Variants in SEMA5B observed in about 807,000 individuals in gnomAD.
The protein encoded by SEMA5B is semaphorin 5B, also known as semaphorin-5B.
In SEMA5B, 66 loss-of-function variants were observed where a neutral mutation model predicts 135.0. The ratio of observed to expected loss-of-function variants is 0.49; its 90% CI spans 0.40 to 0.60. The LOEUF (loss-of-function observed/expected upper bound fraction) is 0.60, where lower values mean the gene tolerates loss of function less well. SEMA5B is among the 20% of genes least tolerant of loss of function. The probability of loss-of-function intolerance (pLI) is 0.00; values close to 1 mark genes in which losing one functional copy is unlikely to be tolerated. For synonymous variants in SEMA5B, 690 were observed against 639.5 expected (o/e 1.08, Z -1.19); for missense variants, 1,501 against 1,566.3 (o/e 0.96, Z 0.70).
chr3:122,966,557 A>ATTTTTTTTTTTT (rs1414027791), intron 1 of SEMA5B, among the ~76,000 whole-genome samples: 2 of 139,468 alleles, frequency 1.4e-5, no homozygotes, highest in African/African-American at 6.4e-5. Context: ...TATTATTATT[A>ATTTTTTTTTTTT]TTATTATTAT....
At chr3:122,917,910 A>G (rs963525162) in intron 12 of SEMA5B, among the ~76,000 whole-genome samples, 2 of 151,276 alleles carry the variant, frequency 1.3e-5, no homozygotes, top group African/African-American at 4.9e-5. Context: ...ACACATGTAC[A>G]CAAGTAGTCC....
intron 3 of SEMA5B, among the ~76,000 whole-genome samples, chr3:122,946,066 C>T (rs141851956): frequency 2.4e-4 from 37 of 152,296 alleles, no homozygotes; most frequent in African/African-American, 8.4e-4. Flanking sequence ...GCTCTGTGTG[C>T]GGCAAAGGCT....
intron 1 of SEMA5B, among the ~76,000 whole-genome samples, chr3:122,969,201 G>A (rs1038181725): frequency 2.6e-5 from 4 of 152,318 alleles, no homozygotes; most frequent in Middle Eastern, 3.4e-3. Flanking sequence ...TGGGTGGCCT[G>A]TCCAAAGTCA....
chr3:122,986,481 T>C (rs909489267), intron 1 of SEMA5B, among the ~76,000 whole-genome samples: 2 of 152,188 alleles, frequency 1.3e-5, no homozygotes, highest in African/African-American at 2.4e-5. Context: ...TGATCTCTTT[T>C]CCCTGTGCAT....
chr3:122,937,692 G>A (rs1345154285), intron 5 of SEMA5B, among the ~76,000 whole-genome samples: 2 of 152,126 alleles, frequency 1.3e-5, no homozygotes, highest in Non-Finnish European at 2.9e-5. Context: ...GCCCCAGGCT[G>A]ACACCAGGTC....
chr3:122,961,224 G>A lies in SEMA5B; in HGVS notation c.40C>T (p.Leu14Phe), dbSNP rs1014130090. The A allele has an allele frequency of 6.2e-7, 1 of 1,613,964 alleles. No individual in the cohort carries two copies. Among genetic ancestry groups the A allele is most frequent in the African/African-American group, 1.3e-5 (1 of 74,914 alleles). Residue 14 changes from leucine (L) to phenylalanine (F), a missense_variant, in exon 2 of 23, where the codon CTC becomes TTC. This residue lies in a region of SEMA5B where 574 missense variants were observed against 684.7 expected (regional missense o/e 0.84). Transcript: ENST00000357599. Reference protein sequence around the residue: ...GFSPSPVAHHLVPGPPDTPAQ... With the variant: ...GFSPSPVAHHFVPGPPDTPAQ... ...GGGGTATCAGGCGGCCCAGGGACGA[G>A]GTGGTGGGCAACAGGAGACGGACTG...
intron 5 of SEMA5B, among the ~76,000 whole-genome samples, chr3:122,938,910 T>G (rs1036305665): frequency 1.3e-5 from 2 of 152,198 alleles, no homozygotes; most frequent in African/African-American, 4.8e-5. Flanking sequence ...TGGCAGCAGA[T>G]AATAAATCAA....
At chr3:122,953,001 C>G (rs1298977384) in intron 2 of SEMA5B, among the ~76,000 whole-genome samples, 1 of 152,226 alleles carries the variant, frequency 6.6e-6, no homozygotes, top group African/African-American at 2.4e-5. Flanking sequence ...CTTCCTACAC[C>G]TTTGTAAACA....
At chr3:123,001,679 T>C (rs1045620464) in intron 1 of SEMA5B, among the ~76,000 whole-genome samples, 2 of 152,206 alleles carry the variant, frequency 1.3e-5, no homozygotes, top group Admixed American at 1.3e-4. Flanking sequence ...TCATACCCAT[T>C]CATGCCCTTG....
chr3:123,017,161 T>C (rs1324667998), intron 1 of SEMA5B, among the ~76,000 whole-genome samples: 3 of 152,030 alleles, frequency 2.0e-5, no homozygotes, highest in Non-Finnish European at 4.4e-5. Flanking sequence ...GTGCTGGGAT[T>C]ACAGGCATGA....
chr3:122,931,172 A>C (rs1938955620), intron 5 of SEMA5B, among the ~76,000 whole-genome samples: 1 of 152,210 alleles, frequency 6.6e-6, no homozygotes, highest in Non-Finnish European at 1.5e-5. Flanking sequence ...CCTTTTCCCA[A>C]GGACAACCAC....
chr3:122,921,284 G>A (rs146803385), intron 12 of SEMA5B, among the ~76,000 whole-genome samples: 12 of 152,322 alleles, frequency 7.9e-5, no homozygotes, highest in Admixed American at 1.3e-4. Flanking sequence ...TTTGGCTTTG[G>A]AATAGGCTTT....
At chr3:123,026,862 G>A (rs1015324638) in intron 1 of SEMA5B, among the ~76,000 whole-genome samples, 17 of 152,240 alleles carry the variant, frequency 1.1e-4, no homozygotes, top group African/African-American at 3.9e-4. Context: ...ACTGCCCCTG[G>A]AGCCTGGTGG....
At chr3:123,011,912 G>C (rs1942445510) in intron 1 of SEMA5B, among the ~76,000 whole-genome samples, 1 of 152,168 alleles carries the variant, frequency 6.6e-6, no homozygotes, top group East Asian at 1.9e-4. Context: ...CAACATCCCT[G>C]CAGGAAACTC....
intron 2 of SEMA5B, among the ~76,000 whole-genome samples, chr3:122,951,522 G>A (rs1266329040): frequency 2.6e-5 from 4 of 152,124 alleles, no homozygotes; most frequent in Admixed American, 6.5e-5. Flanking sequence ...CTAACTTGTC[G>A]CCTTCCACCT....
chr3:122,959,314 A>G (rs770852467), intron 2 of SEMA5B, among the ~76,000 whole-genome samples: 13 of 152,186 alleles, frequency 8.5e-5, no homozygotes, highest in Non-Finnish European at 1.9e-4. Context: ...ATGAGGTCAG[A>G]CTGGTAAAAG....
chr3:123,010,890 C>A (rs536385159), intron 1 of SEMA5B, among the ~76,000 whole-genome samples: 1 of 151,456 alleles, frequency 6.6e-6, no homozygotes, highest in Non-Finnish European at 1.5e-5. Flanking sequence ...TTATCTGGGA[C>A]TCACCACCCC....
intron 3 of SEMA5B, among the ~76,000 whole-genome samples, chr3:122,947,490 G>A (rs1418118954): frequency 6.6e-6 from 1 of 152,100 alleles, no homozygotes; most frequent in Non-Finnish European, 1.5e-5. Context: ...ACCCACTCCT[G>A]CAGGATGGGG....
chr3:122,912,374 A>G, intron 18 of SEMA5B, 32 bp from the exon 19 acceptor site: 1 of 1,519,900 alleles, frequency 6.6e-7, no homozygotes, highest in Non-Finnish European at 8.8e-7. Context: ...GAGGGGCTGT[A>G]GGGGCAGCCA....
Sources: gnomAD v4.1 joint callset for allele counts (sites outside exome capture counted in the v4.1 genomes callset) on GRCh38, gnomAD v4.1.1 for gene constraint, gnomAD v4.1.1 regional missense constraint, MANE v1.5 for transcripts, NCBI Gene and HGNC (gene_info 2026-07-23, HGNC 2026-07-21) for gene names.